CCSER1: variants seen among roughly 807,000 people sequenced by gnomAD.
CCSER1 encodes the protein coiled-coil serine rich protein 1, also known as serine-rich coiled-coil domain-containing protein 1.
A neutral mutation model predicts 82.0 loss-of-function variants in CCSER1; 41 were observed. That is an observed-to-expected ratio of 0.50 (90% CI 0.39 to 0.65). The LOEUF (loss-of-function observed/expected upper bound fraction) is 0.65. Ranked by LOEUF, CCSER1 falls within the 30% of genes least tolerant of loss-of-function variation. The pLI is 0.00. For synonymous variants in CCSER1, 414 were observed against 383.9 expected, an observed-to-expected ratio of 1.08 and a Z score of -0.92; for missense variants, 1,119 against 1,064.2, an observed-to-expected ratio of 1.05 and a Z score of -0.72.
chr4:91,547,661 C>G (rs141809207), intron 10 of CCSER1, among the ~76,000 whole-genome samples: 2 of 152,040 alleles, frequency 1.3e-5, no homozygotes, highest in Admixed American at 6.6e-5. Context: ...TATATTTCTA[C>G]GATTGAATTT....
intron 10 of CCSER1, among the ~76,000 whole-genome samples, chr4:91,210,455 A>G (rs1184115974): frequency 6.6e-6 from 1 of 151,606 alleles, no homozygotes; most frequent in Non-Finnish European, 1.5e-5. Context: ...CAGTACTATG[A>G]AGAAGTTAAT....
chr4:91,103,935 T>C (rs771756704), intron 10 of CCSER1, among the ~76,000 whole-genome samples: 1 of 152,160 alleles, frequency 6.6e-6, no homozygotes, highest in Non-Finnish European at 1.5e-5. Context: ...CACTAAATTC[T>C]TTTCCTAGCA....
At chr4:90,894,557 G>T (rs191301721) in intron 8 of CCSER1, among the ~76,000 whole-genome samples, 248 of 151,992 alleles carry the variant, frequency 1.6e-3, no homozygotes, top group Middle Eastern at 6.8e-3. Context: ...TCTATTAGCT[G>T]CATCTCTCCC....
At position 90,423,829 on chromosome 4, in the gene CCSER1, C is replaced by T. The variant is rs562257017; in HGVS notation, c.1603+23700C>T. Among the ~76,000 whole-genome samples, 3 of 147,524 alleles carry T rather than the reference C, an allele frequency of 2.0e-5. No individual in the cohort carries two copies. The South Asian group carries it at 7.4e-4, about 36-fold the overall frequency. On this transcript the variant is annotated intron_variant, in intron 4 of 10. Transcript: ENST00000509176. ...TTAATGAATGAAATATTGGGCTGGGCGTGGTGGCTCACGCCTGTAATCCCA... is the reference window on the plus strand; with the variant it reads ...TTAATGAATGAAATATTGGGCTGGGTGTGGTGGCTCACGCCTGTAATCCCA...
chr4:90,501,343 A>G lies in CCSER1; in HGVS notation c.1724+32989A>G, dbSNP rs561090661. 3.3e-5 allele frequency among the ~76,000 whole-genome samples: 5 copies of G among 152,286 alleles called. No homozygotes were observed. The East Asian group carries it at 7.7e-4, about 24-fold the overall frequency. On this transcript the variant is annotated intron_variant, in intron 5 of 10. Coordinates refer to ENST00000509176, the MANE Select transcript of CCSER1 (RefSeq NM_001145065.2). The stretch of plus-strand genomic sequence containing the variant: ...AAAATTCTAGATCTTGCAATTAACG[A>G]TATTAATATGTGTTGACATAAAATG...
intron 3 of CCSER1, among the ~76,000 whole-genome samples, chr4:90,374,057 A>C (rs1747907776): frequency 1.3e-5 from 2 of 152,232 alleles, no homozygotes; most frequent in African/African-American, 4.8e-5. Context: ...AACATCCACG[A>C]AACTGTAGCA....
chr4:90,250,358 A>G (rs555349151), intron 1 of CCSER1, among the ~76,000 whole-genome samples: 32 of 152,232 alleles, frequency 2.1e-4, no homozygotes, highest in African/African-American at 7.7e-4. Flanking sequence ...TAGCTTTAGC[A>G]CTTACATTTG....
At chr4:91,104,823 T>C (rs1003749710) in intron 10 of CCSER1, among the ~76,000 whole-genome samples, 11 of 152,164 alleles carry the variant, frequency 7.2e-5, no homozygotes. Context: ...ATCCCTGGTG[T>C]CCCTTTGTGT....
chr4:91,327,741 T>C (rs545666662), intron 10 of CCSER1, among the ~76,000 whole-genome samples: 2 of 152,322 alleles, frequency 1.3e-5, no homozygotes, highest in African/African-American at 4.8e-5. Flanking sequence ...CAAATTCAGG[T>C]CATTTCTTTG....
At chr4:91,149,497 T>C (rs549963769) in intron 10 of CCSER1, among the ~76,000 whole-genome samples, 9 of 152,376 alleles carry the variant, frequency 5.9e-5, no homozygotes, top group Non-Finnish European at 1.2e-4. Context: ...ATCCCATTTG[T>C]CAATTCTGGC....
At chr4:90,814,234 A>G (rs1429699429) in intron 7 of CCSER1, among the ~76,000 whole-genome samples, 1 of 152,190 alleles carries the variant, frequency 6.6e-6, no homozygotes, top group Non-Finnish European at 1.5e-5. Flanking sequence ...TACACAGAGC[A>G]GCAGGGCCCT....
At chr4:90,941,841 G>A (rs538992307) in intron 9 of CCSER1, among the ~76,000 whole-genome samples, 11 of 151,926 alleles carry the variant, frequency 7.2e-5, no homozygotes, top group Non-Finnish European at 1.5e-4. Context: ...TGAATAGATC[G>A]ATGTATATAT....
At chr4:90,216,358 G>C (rs1447886790) in intron 1 of CCSER1, among the ~76,000 whole-genome samples, 3 of 152,136 alleles carry the variant, frequency 2.0e-5, no homozygotes, top group Non-Finnish European at 4.4e-5. Context: ...AAGACTCAAA[G>C]GATTTCTCCC....
chr4:90,877,642 T>A (rs1042494447), intron 8 of CCSER1, among the ~76,000 whole-genome samples: 29 of 147,582 alleles, frequency 2.0e-4, no homozygotes, highest in African/African-American at 6.5e-4. Flanking sequence ...TTTCCCCCAC[T>A]CTGCTGCTAA....
At chr4:91,474,999 T>G (rs925252230) in intron 10 of CCSER1, among the ~76,000 whole-genome samples, 5 of 151,474 alleles carry the variant, frequency 3.3e-5, no homozygotes, top group African/African-American at 1.2e-4. Context: ...GTAATAAAGG[T>G]GGGTTAGGGT....
At chr4:91,169,540 G>C (rs1732535630) in intron 10 of CCSER1, among the ~76,000 whole-genome samples, 1 of 152,140 alleles carries the variant, frequency 6.6e-6, no homozygotes, top group Admixed American at 6.6e-5. Context: ...AGAATTGCTT[G>C]AACCCAGGAT....
intron 8 of CCSER1, among the ~76,000 whole-genome samples, chr4:90,865,253 A>C (rs1765588115): frequency 6.6e-6 from 1 of 152,028 alleles, no homozygotes; most frequent in South Asian, 2.1e-4. Context: ...CACTCACAAA[A>C]CCAAGTGCTT....
chr4:91,077,374 T>C (rs1722113234), intron 9 of CCSER1, among the ~76,000 whole-genome samples: 1 of 151,998 alleles, frequency 6.6e-6, no homozygotes, highest in African/African-American at 2.4e-5. Context: ...TAACACTAAA[T>C]AAAATAAAAT....
chr4:90,819,442 T>C (rs1759455401), intron 8 of CCSER1, among the ~76,000 whole-genome samples: 1 of 152,204 alleles, frequency 6.6e-6, no homozygotes, highest in Non-Finnish European at 1.5e-5. Context: ...TTCTACTATA[T>C]ATTTTTTTCC....
Sources: gnomAD v4.1 joint callset for allele counts (sites outside exome capture counted in the v4.1 genomes callset) on GRCh38, gnomAD v4.1.1 for gene constraint, MANE v1.5 for transcripts, NCBI Gene and HGNC (gene_info 2026-07-23, HGNC 2026-07-21) for gene names.